The following UHRF1 variants were observed in gnomAD, a reference collection of about 807,000 sequenced individuals.
UHRF1 encodes the protein E3 ubiquitin-protein ligase UHRF1.
Under a neutral mutation model 96.5 loss-of-function variants are expected in UHRF1, and 9 were observed. The ratio of observed to expected loss-of-function variants is 0.09; its 90% confidence interval spans 0.06 to 0.16. UHRF1 has a LOEUF of 0.16. UHRF1 is among the 10% of genes least tolerant of loss of function. The pLI is 1.00. For synonymous variants in UHRF1, 455 were observed against 469.9 expected (o/e 0.97, Z 0.41); for missense variants, 626 against 1,131.1 (o/e 0.55, Z 6.40).
intron 11 of UHRF1, among the ~76,000 whole-genome samples, chr19:4,948,236 A>C (rs2033625203): frequency 6.6e-6 from 1 of 152,142 alleles, no homozygotes. Flanking sequence ...GTGAGTGAGC[A>C]TGGCTGTGTT....
chr19:4,926,833 G>C (rs2032886852), intron 2 of UHRF1, among the ~76,000 whole-genome samples: 1 of 152,102 alleles, frequency 6.6e-6, no homozygotes. Flanking sequence ...GGAAGGTTGA[G>C]GTGGGCGGAT....
chr19:4,932,912 C>T lies in UHRF1; in HGVS notation c.741C>T (p.Arg247=), dbSNP rs374417455. ...ACGACGCGGAGATCTCCAGGAAGCG[C>T]GAGACCAGGACGGCGCGGGAACTCT... The part of the protein sequence containing the change: ...FWYDAEISRK[R]ETRTARELYA... The change falls in exon 5 of 17, where the codon CGC becomes CGT. Residue 247 remains arginine (R), a synonymous_variant. Transcript: ENST00000650932. The T allele has an allele frequency of 2.3e-5, 37 of 1,613,574 alleles. No homozygotes were observed. Among genetic ancestry groups the T allele is most frequent in the Non-Finnish European group, 3.0e-5 (35 of 1,179,848 alleles).
rs2033787731 is a variant in UHRF1 at position 4,954,040 on chromosome 19, G to A, written c.1819-310G>A. Among the ~76,000 whole-genome samples, 2 of 152,160 alleles carry A rather than the reference G, an allele frequency of 1.3e-5. No homozygotes were observed. Among genetic ancestry groups the A allele is most frequent in the South Asian group, 4.1e-4 (2 of 4,832 alleles). On this transcript the variant is annotated intron_variant, in intron 13 of 16. Transcript: ENST00000650932. This position sits in a 1 kb window ranked among gnomAD's most constrained non-coding sequence, Gnocchi z 5.9. ...TCATGCAGTGTGCGTGATGTGAGGT[G>A]GCTGTAAAGGGGGAGGAAGGGGCCC... is the stretch of plus-strand genomic sequence containing the variant.
intron 5 of UHRF1, 116 bp downstream of exon 5, chr19:4,933,072 C>T (rs1006025095): frequency 3.9e-5 from 46 of 1,171,644 alleles, no homozygotes; most frequent in African/African-American, 6.2e-5. Flanking sequence ...CCTTAGCCTC[C>T]GGCCTGGCCT....
intron 16 of UHRF1, among the ~76,000 whole-genome samples, chr19:4,957,900 G>A (rs2033899938): frequency 2.0e-5 from 3 of 152,310 alleles, no homozygotes; most frequent in East Asian, 1.9e-4. Flanking sequence ...GGCCAGAGCC[G>A]GCAGTCCCGG....
chr19:4,931,063 C>T (rs2033035951), intron 4 of UHRF1, among the ~76,000 whole-genome samples, 187 bp downstream of exon 4: 1 of 152,210 alleles, frequency 6.6e-6, no homozygotes, highest in African/African-American at 2.4e-5. Flanking sequence ...CCGAAGCCGG[C>T]TGCCCCCTCC....
chr19:4,905,180 G>T (rs1254069583), upstream of UHRF1, among the ~76,000 whole-genome samples: 2 of 131,946 alleles, frequency 1.5e-5, no homozygotes, highest in East Asian at 4.7e-4. Context: ...GCAGTGGTGT[G>T]ATCTCGGCTC....
rs555798225 is a variant in UHRF1 at position 4,911,126 on chromosome 19, T to TCC, written c.153+95_153+96dup. ...CAGCCGATACTTTCTCCCTCCCACCTCCCCCCCCAACAACCTCGTCCGGTC... is the reference window on the plus strand; with the variant it reads ...CAGCCGATACTTTCTCCCTCCCACCTCCCCCCCCCCAACAACCTCGTCCGGTC... On this transcript the variant is annotated intron_variant, in intron 2 of 16. Transcript: ENST00000650932. The TCC allele has an allele frequency of 5.1e-6, 6 of 1,167,928 alleles. No homozygotes were observed. In the South Asian group the frequency reaches 1.1e-4, roughly 21 times the overall value. The allele number at this position is 1,167,928 out of a possible 1,614,324, so 72.3% of individuals were successfully genotyped here.
chr19:4,930,225 G>T lies in UHRF1; in HGVS notation c.409-491G>T, dbSNP rs548958892. ...CCTGGCCTCAAGTGATCTTCCCGCCGCAGCCTCCCAAAGTGCTGGAATTAT... is the reference window on the plus strand; with the variant it reads ...CCTGGCCTCAAGTGATCTTCCCGCCTCAGCCTCCCAAAGTGCTGGAATTAT... On this transcript the variant is annotated intron_variant, in intron 3 of 16. Transcript: ENST00000650932. The surrounding 1 kb of genome is among the most constrained non-coding windows in gnomAD (Gnocchi z 4.4). Among the ~76,000 whole-genome samples, 7 of 152,212 alleles carry T rather than the reference G, an allele frequency of 4.6e-5. No homozygotes were observed. The South Asian group carries it at 1.4e-3, about 32-fold the overall frequency.
Position 4,933,006 on chromosome 19 carries a change from C to T in UHRF1, c.785+50C>T, listed in dbSNP as rs1411931117. 5.9e-6 allele frequency: 9 copies of T among 1,520,060 alleles called. No homozygotes were observed. The Admixed American group carries it at 1.0e-4, about 17-fold the overall frequency. The allele number at this position is 1,520,060 out of a possible 1,614,324, so 94.2% of individuals were successfully genotyped here. On this transcript the variant is annotated intron_variant, in intron 5 of 16. Coordinates refer to ENST00000650932, the MANE Select transcript of UHRF1 (RefSeq NM_001048201.3). ...CCCTTCCTCTCTCCTTTCCTCCCCT[C>T]CCGGGGCCCCCGGACTGGCTTTGAA...
In UHRF1 at chr19:4,934,182, T is replaced by TGC. The variant is rs762939679; in HGVS notation, c.785+1226_785+1227insGC. Among the ~76,000 whole-genome samples, 83 of 151,688 alleles carry TGC rather than the reference T, an allele frequency of 5.5e-4. 2 individuals carry two copies. Among genetic ancestry groups the TGC allele is most frequent in the Admixed American group, 1.9e-3 (29 of 15,188 alleles). ...GGGATTACAGGCGCCCGCCACCACG[T>TGC]CTGGCTAATTTTTGTATATATATAT... On this transcript the variant is annotated intron_variant, in intron 5 of 16. Coordinates refer to ENST00000650932, the MANE Select transcript of UHRF1 (RefSeq NM_001048201.3).
upstream of UHRF1, among the ~76,000 whole-genome samples, chr19:4,906,163 G>C (rs1439822352): frequency 1.3e-5 from 2 of 151,988 alleles, no homozygotes; most frequent in Non-Finnish European, 2.9e-5. Context: ...ATTTTTTGTA[G>C]AGAAGGGTTC....
Position 4,910,864 on chromosome 19 carries a change from C to G in UHRF1, c.-10-12C>G, listed in dbSNP as rs369946085. 42 of 1,592,626 alleles carry G rather than the reference C, an allele frequency of 2.6e-5. No individual in the cohort carries two copies. The highest frequency in any genetic ancestry group is 3.3e-5 in the Non-Finnish European group (38 of 1,167,282). Reference sequence around the variant, plus strand: ...TAAAACTGATGGGGGTTTTTGCTGTCCCTCCCCTCAGCGCCGACACCATGT... The same window carrying G: ...TAAAACTGATGGGGGTTTTTGCTGTGCCTCCCCTCAGCGCCGACACCATGT... On this transcript the variant is annotated splice_polypyrimidine_tract_variant and intron_variant, in intron 1 of 16. Transcript: ENST00000650932.
chr19:4,950,844 GC>G lies in UHRF1; in HGVS notation c.1681-12del. On this transcript the variant is annotated splice_polypyrimidine_tract_variant and intron_variant, in intron 12 of 16. Transcript: ENST00000650932. ...TGCCTCTGATGGAGCTGACGCTGAT[GC>G]CCGCTCTCTGCAGGTTGTGAAATAC... The G allele has an allele frequency of 1.9e-6, 3 of 1,614,006 alleles. No individual in the cohort carries two copies. The highest frequency in any genetic ancestry group is 2.5e-6 in the Non-Finnish European group (3 of 1,179,892).
Position 4,961,778 on chromosome 19 carries a change from TAAA to T in UHRF1, c.*977_*979del. ...GTGAGAACTTACAAGAGGGTTTTTTTAAAATTTTTTTTTCTCTTAATGAACACA... is the reference window on the plus strand; with the variant it reads ...GTGAGAACTTACAAGAGGGTTTTTTTATTTTTTTTTCTCTTAATGAACACA... On this transcript the variant is annotated 3_prime_UTR_variant, in exon 17 of 17. Transcript: ENST00000650932. The T allele has an allele frequency of 1.8e-5, 2 of 108,734 alleles. No individual in the cohort carries two copies. Among genetic ancestry groups the T allele is most frequent in the South Asian group, 3.1e-4 (1 of 3,226 alleles). The allele number at this position is 108,734 out of a possible 1,614,324, so 6.7% of individuals were successfully genotyped here.
chr19:4,906,272 C>G (rs1345769292), upstream of UHRF1, among the ~76,000 whole-genome samples: 1 of 152,166 alleles, frequency 6.6e-6, no homozygotes, highest in Non-Finnish European at 1.5e-5. Context: ...AGCCACTGCA[C>G]CCAGCTGGAC....
chr19:4,961,061 G>C lies in UHRF1; in HGVS notation c.*258G>C, dbSNP rs1226722869. On this transcript the variant is annotated 3_prime_UTR_variant, in exon 17 of 17. Transcript: ENST00000650932. The stretch of plus-strand genomic sequence containing the variant: ...AAAACATAAAAGCCTGCAATTTCTC[G>C]ACAAAACAACACAAGATTTTTTAAA... The C allele has an allele frequency of 1.5e-5, 2 of 132,122 alleles. No individual in the cohort carries two copies. Among genetic ancestry groups the C allele is most frequent in the Non-Finnish European group, 2.7e-5 (2 of 74,422 alleles). The allele number at this position is 132,122 out of a possible 1,614,324, so 8.2% of individuals were successfully genotyped here.
intron 15 of UHRF1, among the ~76,000 whole-genome samples, chr19:4,955,341 G>C (rs1332085640): frequency 6.6e-6 from 1 of 151,954 alleles, no homozygotes; most frequent in African/African-American, 2.4e-5. Flanking sequence ...CCCTCGGCTC[G>C]GGGCCCCTTC....
rs1568404450 is a variant in UHRF1 at position 4,910,953 on chromosome 19, C to A, written c.68C>A (p.Thr23Asn). ...ACGGTGGACTCGCTGTCCAGGCTGA[C>A]CAAGGTGGAGGAGCTGAGGCGGAAG... ...THTVDSLSRL[T>N]KVEELRRKIQ... is the part of the protein sequence containing the mutation. The change falls in exon 2 of 17, where the codon ACC becomes AAC. Residue 23 changes from threonine to asparagine, a missense_variant. Coordinates refer to ENST00000650932, the MANE Select transcript of UHRF1 (RefSeq NM_001048201.3). 6.2e-7 allele frequency: 1 copy of A among 1,613,522 alleles called. No homozygotes were observed. The highest frequency in any genetic ancestry group is 8.5e-7 in the Non-Finnish European group (1 of 1,179,694).
Sources: gnomAD v4.1 joint callset for allele counts (sites outside exome capture counted in the v4.1 genomes callset) on GRCh38, gnomAD v4.1.1 for gene constraint, Gnocchi (gnomAD v3.1) non-coding constraint, MANE v1.5 for transcripts, NCBI Gene and HGNC (gene_info 2026-07-23, HGNC 2026-07-21) for gene names.